NAV3: variants seen among roughly 807,000 people sequenced by gnomAD.
NAV3 encodes pore membrane and/or filament interacting like protein 1.
Under a neutral mutation model 244.7 loss-of-function variants are expected in NAV3, and 87 were observed. The ratio of observed to expected loss-of-function variants is 0.36; its 90% CI spans 0.30 to 0.42. The LOEUF is 0.42. NAV3 is among the 20% of genes least tolerant of loss of function. The pLI, the probability that NAV3 is intolerant of heterozygous loss-of-function variation, is 1.00. For synonymous variants in NAV3, 1,126 were observed against 1,042.2 expected (o/e 1.08, Z -1.55); for missense variants, 2,663 against 2,893.3 (o/e 0.92, Z 1.83).
intron 2 of NAV3, among the ~76,000 whole-genome samples, chr12:77,752,675 T>A (rs1868920712): frequency 6.6e-6 from 1 of 152,120 alleles, no homozygotes; most frequent in Non-Finnish European, 1.5e-5. Flanking sequence ...TCACTGAGCC[T>A]TTTTTTCCTC....
rs192918113 is a variant in NAV3 at position 77,636,410 on chromosome 12, A to G, written c.72+64144A>G. On this transcript the variant is annotated intron_variant, in intron 2 of 8. Coordinates refer to the NAV3 transcript ENST00000550042. ...CTACCTGGAGGCAGAGGTTGCAGTG[A>G]GCCGAGATTGCACCACTGCACTCTG... Among the ~76,000 whole-genome samples the G allele has an allele frequency of 3.3e-5, 5 of 150,764 alleles. No individual in the cohort carries two copies. The East Asian group carries it at 5.9e-4, about 18-fold the overall frequency.
intron 6 of NAV3, 73 bp downstream of exon 6, chr12:77,994,944 C>T: frequency 5.3e-6 from 5 of 946,412 alleles, no homozygotes; most frequent in Non-Finnish European, 6.1e-6. Flanking sequence ...TTTGTCCTAT[C>T]TTTTTTTTTT....
chr12:78,127,086 T>C, intron 16 of NAV3, 81 bp from the exon 17 acceptor site: 18 of 1,423,278 alleles, frequency 1.3e-5, no homozygotes, highest in Non-Finnish European at 1.8e-5. Context: ...TTTTTATAGT[T>C]CAGAGAACCA....
chr12:77,870,904 A>T (rs1880849148), intron 1 of NAV3, among the ~76,000 whole-genome samples: 1 of 152,218 alleles, frequency 6.6e-6, no homozygotes, highest in African/African-American at 2.4e-5. Context: ...AACACCAAGG[A>T]CTTGTTCTAT....
intron 2 of NAV3, among the ~76,000 whole-genome samples, chr12:77,716,513 G>A (rs114039614): frequency 0.017 from 2,522 of 151,776 alleles, 73 homozygotes; most frequent in African/African-American, 0.058. Context: ...TTTTTCTAAA[G>A]GATTGTAATA....
intron 13 of NAV3, 61 bp downstream of exon 13, chr12:78,116,965 A>G (rs1373945007): frequency 6.3e-7 from 1 of 1,585,340 alleles, no homozygotes; most frequent in Non-Finnish European, 8.6e-7. Flanking sequence ...AAAATTACTT[A>G]ATATTAGATT....
At chr12:78,089,374 A>T (rs922254293) in intron 12 of NAV3, among the ~76,000 whole-genome samples, 4 of 152,154 alleles carry the variant, frequency 2.6e-5, no homozygotes, top group Non-Finnish European at 5.9e-5. Context: ...TAAAGCCACT[A>T]TTTTAGCATA....
chr12:77,769,676 T>C lies in NAV3; in HGVS notation c.73-170643T>C, dbSNP rs969717496. Among the ~76,000 whole-genome samples the C allele has an allele frequency of 4.6e-5, 7 of 152,358 alleles. No homozygotes were observed. In the South Asian group the frequency reaches 1.0e-3, roughly 23 times the overall value. On this transcript the variant is annotated intron_variant, in intron 2 of 8. Transcript: ENST00000550042. ...AATTATCTCAAGTGGATTACTTTTGTAATTTAATTAATGTCTTTGATGCCA... is the reference window on the plus strand; with the variant it reads ...AATTATCTCAAGTGGATTACTTTTGCAATTTAATTAATGTCTTTGATGCCA...
chr12:77,772,686 G>T (rs1870154415), intron 2 of NAV3, among the ~76,000 whole-genome samples: 1 of 151,970 alleles, frequency 6.6e-6, no homozygotes, highest in Non-Finnish European at 1.5e-5. Context: ...TATTTCTGTG[G>T]GTAAACTCAT....
chr12:78,117,678 G>T (rs142930645), intron 13 of NAV3, among the ~76,000 whole-genome samples: 316 of 151,654 alleles, frequency 2.1e-3, no homozygotes, highest in African/African-American at 7.3e-3. Flanking sequence ...AATTTTATAT[G>T]ATCTCTGAAA....
In NAV3 at chr12:77,831,476, G is replaced by T. The variant is rs1179445637; in HGVS notation, c.15G>T (p.Gly5=). The T allele has an allele frequency of 4.4e-6, 7 of 1,605,700 alleles. No homozygotes were observed. The highest frequency in any genetic ancestry group is 5.9e-6 in the Non-Finnish European group (7 of 1,177,634). The change falls in exon 1 of 40, where the codon GGG becomes GGT. Residue 5 remains glycine, a synonymous_variant. Coordinates refer to ENST00000397909, the MANE Select transcript of NAV3 (RefSeq NM_001024383.2). ...TTATAGAAGCCATGCCTGTTCTTGG[G>T]GTTGCCTCAAAACTGAGGCAGCCAG... The part of the protein sequence containing the change: MPVL[G]VASKLRQPAV...
At chr12:78,039,463 T>G (rs1032901241) in intron 9 of NAV3, among the ~76,000 whole-genome samples, 2 of 152,130 alleles carry the variant, frequency 1.3e-5, no homozygotes, top group African/African-American at 2.4e-5. Flanking sequence ...GTGTCAAGAT[T>G]AACCAGAGGA....
intron 12 of NAV3, among the ~76,000 whole-genome samples, chr12:78,113,581 G>T (rs2138446605): frequency 6.6e-6 from 1 of 152,298 alleles, no homozygotes; most frequent in South Asian, 2.1e-4. Context: ...AGTTAAAGCT[G>T]GAGCAGCTGG....
chr12:77,710,363 T>G (rs935280451), intron 2 of NAV3, among the ~76,000 whole-genome samples: 3 of 148,708 alleles, frequency 2.0e-5, no homozygotes, highest in Non-Finnish European at 4.4e-5. Context: ...CTATTACCTG[T>G]GTGGAGCTCT....
rs1958815526 is a variant in NAV3, at chr12:78,188,264, C to A, written c.5807C>A (p.Ala1936Glu). ...CTTATTTAGGACCAAAAATCTCAGG[C>A]ATATTTGATAGGATCCATTGGTGTT... is the stretch of plus-strand genomic sequence containing the variant. The part of the protein sequence containing the change: ...YGRAKDQKSQ[A>E]YLIGSIGVSG... Residue 1936 changes from alanine to glutamate, a missense_variant, in exon 32 of 40, where the codon GCA becomes GAA. Ala to Glu is a moderately radical substitution (Grantham distance 107, BLOSUM62 -1). Coordinates refer to ENST00000397909, the MANE Select transcript of NAV3 (RefSeq NM_001024383.2). 1.9e-6 allele frequency: 3 copies of A among 1,610,492 alleles called. No homozygotes were observed. Among genetic ancestry groups the A allele is most frequent in the African/African-American group, 1.3e-5 (1 of 74,850 alleles).
In NAV3 at chr12:77,965,906, G is replaced by C. The variant is rs1049143320; in HGVS notation, c.415-323G>C. Reference sequence around the variant, plus strand: ...AAGACTCACACATGCAACAATCTCAGTCTGTATGGATGCTTTCACGGGGAC... The same window carrying C: ...AAGACTCACACATGCAACAATCTCACTCTGTATGGATGCTTTCACGGGGAC... On this transcript the variant is annotated intron_variant, in intron 3 of 39. Coordinates refer to ENST00000397909, the MANE Select transcript of NAV3 (RefSeq NM_001024383.2). Among the ~76,000 whole-genome samples, 6 of 152,168 alleles carry C rather than the reference G, an allele frequency of 3.9e-5. 1 individual carries two copies. The South Asian group carries it at 1.2e-3, about 32-fold the overall frequency.
intron 3 of NAV3, among the ~76,000 whole-genome samples, chr12:77,957,610 TAATTAAAAGCA>T (rs1891485387): frequency 6.6e-6 from 1 of 152,194 alleles, no homozygotes; most frequent in African/African-American, 2.4e-5. Context: ...AGAGCTATGC[TAATTAAAAGCA>T]CTACATTTTT....
At chr12:77,700,586 A>G (rs546274989) in intron 2 of NAV3, among the ~76,000 whole-genome samples, 1 of 152,206 alleles carries the variant, frequency 6.6e-6, no homozygotes, top group South Asian at 2.1e-4. Flanking sequence ...GAGAACAGAT[A>G]TTCTTGTCAC....
rs530155090 is a variant in NAV3, at chr12:78,211,764, A to G, written c.*1247A>G. ...TTGTTTTTTTAATGAGTTTTGACGC[A>G]TGTTGTTTTGATTGCTATTGTTGTA... On this transcript the variant is annotated 3_prime_UTR_variant, in exon 40 of 40. Transcript: ENST00000397909. The G allele has an allele frequency of 1.3e-5, 2 of 152,556 alleles. No homozygotes were observed. The highest frequency in any genetic ancestry group is 4.2e-4 in the South Asian group (2 of 4,816). 9.5% of individuals were successfully genotyped at this position (152,556 alleles called of 1,614,324 possible).
Sources: gnomAD v4.1 joint callset for allele counts (sites outside exome capture counted in the v4.1 genomes callset) on GRCh38, gnomAD v4.1.1 for gene constraint, MANE v1.5 for transcripts, NCBI Gene and HGNC (gene_info 2026-07-23, HGNC 2026-07-21) for gene names.